Variants in INPP4B observed in about 807,000 individuals in gnomAD.
The protein encoded by INPP4B is inositol polyphosphate 4-phosphatase type II.
In INPP4B, 55 loss-of-function variants were observed where a neutral mutation model predicts 122.5. The observed-to-expected ratio is 0.45, with a 90% CI of 0.36 to 0.56. The LOEUF (loss-of-function observed/expected upper bound fraction) is 0.56. INPP4B is among the 20% of genes least tolerant of loss of function. The pLI is 0.00. For synonymous variants in INPP4B, 403 were observed against 388.7 expected, an observed-to-expected ratio of 1.04 and a Z score of -0.43; for missense variants, 1,000 against 1,097.7, an observed-to-expected ratio of 0.91 and a Z score of 1.26.
intron 15 of INPP4B, among the ~76,000 whole-genome samples, chr4:142,190,823 C>A (rs967700296): frequency 6.6e-6 from 1 of 151,016 alleles, no homozygotes; most frequent in African/African-American, 2.4e-5. Context: ...AATATTTAAA[C>A]CTTAAGAAAT....
At chr4:142,250,335 A>G (rs1177227571) in intron 11 of INPP4B, among the ~76,000 whole-genome samples, 2 of 152,226 alleles carry the variant, frequency 1.3e-5, no homozygotes, top group Admixed American at 6.5e-5. Context: ...AGATGTAAAT[A>G]GAATAGTGAC....
chr4:142,083,483 C>G (rs954653827), intron 24 of INPP4B, among the ~76,000 whole-genome samples: 1 of 152,126 alleles, frequency 6.6e-6, no homozygotes, highest in East Asian at 1.9e-4. Context: ...TAATCAACTT[C>G]GGCATTACAA....
intron 9 of INPP4B, among the ~76,000 whole-genome samples, chr4:142,300,569 G>C (rs1165504426): frequency 6.6e-6 from 1 of 152,130 alleles, no homozygotes; most frequent in African/African-American, 2.4e-5. Flanking sequence ...TATTCATTGT[G>C]AGGAAGCAAA....
intron 2 of INPP4B, among the ~76,000 whole-genome samples, chr4:142,589,220 C>A (rs557025290): frequency 3.3e-5 from 5 of 151,962 alleles, no homozygotes; most frequent in African/African-American, 1.2e-4. Context: ...AAGCTATACT[C>A]GATGTCCTTT....
At chr4:142,071,818 A>T (rs1044680950) in intron 25 of INPP4B, among the ~76,000 whole-genome samples, 16 of 152,246 alleles carry the variant, frequency 1.1e-4, no homozygotes, top group African/African-American at 3.9e-4. Flanking sequence ...AATGGCAATC[A>T]TTAAAAAGTA....
intron 1 of INPP4B, among the ~76,000 whole-genome samples, chr4:142,810,424 G>A (rs748308461): frequency 9.0e-4 from 137 of 152,038 alleles, no homozygotes; most frequent in Non-Finnish European, 1.5e-3. Context: ...TGTGGTATCA[G>A]CATTTTTACC....
chr4:142,113,536 G>C (rs370272415), intron 21 of INPP4B, among the ~76,000 whole-genome samples: 5 of 151,870 alleles, frequency 3.3e-5, no homozygotes, highest in African/African-American at 1.2e-4. Context: ...TAACATTATT[G>C]ATAAACAGTG....
chr4:142,703,566 G>A (rs1762080020), intron 2 of INPP4B, among the ~76,000 whole-genome samples: 1 of 152,092 alleles, frequency 6.6e-6, no homozygotes, highest in Non-Finnish European at 1.5e-5. Flanking sequence ...CAAATTAGCA[G>A]GTTTGGAACA....
intron 23 of INPP4B, among the ~76,000 whole-genome samples, chr4:142,099,290 C>A (rs1783444358): frequency 6.6e-6 from 1 of 152,194 alleles, no homozygotes; most frequent in Admixed American, 6.5e-5. Context: ...ATTGCCAATC[C>A]CTTTTACACA....
chr4:142,029,162 C>G, intron 25 of INPP4B: 5 of 1,172,026 alleles, frequency 4.3e-6, no homozygotes, highest in Non-Finnish European at 5.3e-6. Context: ...TTAATAAACT[C>G]TTTAAATATA....
chr4:142,105,553 T>A (rs1194308659), intron 23 of INPP4B, among the ~76,000 whole-genome samples: 1 of 151,992 alleles, frequency 6.6e-6, no homozygotes, highest in African/African-American at 2.4e-5. Flanking sequence ...TGACTGGGAG[T>A]GAATATATAA....
intron 21 of INPP4B, among the ~76,000 whole-genome samples, chr4:142,116,135 A>G (rs1793217462): frequency 6.6e-6 from 1 of 152,318 alleles, no homozygotes; most frequent in African/African-American, 2.4e-5. Flanking sequence ...ATATGCACCC[A>G]ATACAGGAGC....
At chr4:142,125,199 T>C (rs200035323) in intron 18 of INPP4B, among the ~76,000 whole-genome samples, 1 of 152,072 alleles carries the variant, frequency 6.6e-6, no homozygotes, top group East Asian at 1.9e-4. Flanking sequence ...CCCATCGTTG[T>C]TTATTGCTCT....
intron 2 of INPP4B, among the ~76,000 whole-genome samples, chr4:142,507,811 T>C (rs1007213463): frequency 6.6e-6 from 1 of 152,136 alleles, no homozygotes; most frequent in African/African-American, 2.4e-5. Flanking sequence ...CCATAGACTT[T>C]CTTTGCTGAG....
At chr4:142,138,743 GA>G (rs1806092452) in intron 18 of INPP4B, among the ~76,000 whole-genome samples, 1 of 152,060 alleles carries the variant, frequency 6.6e-6, no homozygotes, top group Non-Finnish European at 1.5e-5. Context: ...AGGAAGAGAG[GA>G]AAGAATGTAA....
intron 1 of INPP4B, among the ~76,000 whole-genome samples, chr4:142,765,222 T>C (rs1354290285): frequency 1.4e-4 from 22 of 152,026 alleles, no homozygotes; most frequent in Admixed American, 1.4e-3. Context: ...GCAATGAAGA[T>C]ATTGAAGCTT....
chr4:142,064,101 T>C (rs953530213), intron 25 of INPP4B, among the ~76,000 whole-genome samples: 3 of 152,176 alleles, frequency 2.0e-5, no homozygotes, highest in Non-Finnish European at 4.4e-5. Flanking sequence ...ACAATTTCTG[T>C]GTACTATAAT....
At chr4:142,160,225 TG>T in intron 17 of INPP4B, 132 bp downstream of exon 17, 1 of 570,364 alleles carries the variant, frequency 1.8e-6, no homozygotes, top group Non-Finnish European at 2.8e-6. Context: ...AGGAAAAATG[TG>T]GCCTATTTAT....
chr4:142,120,062 G>C (rs892484707), intron 21 of INPP4B, among the ~76,000 whole-genome samples: 3 of 151,692 alleles, frequency 2.0e-5, no homozygotes, highest in Admixed American at 1.3e-4. Context: ...TTTCCATATA[G>C]ATAAACCAAT....
Sources: gnomAD v4.1 joint callset for allele counts (sites outside exome capture counted in the v4.1 genomes callset) on GRCh38, gnomAD v4.1.1 for gene constraint, MANE v1.5 for transcripts, NCBI Gene and HGNC (gene_info 2026-07-23, HGNC 2026-07-21) for gene names.